Variants in SORCS1 observed in about 807,000 individuals in gnomAD.
The protein encoded by SORCS1 is VPS10 domain-containing receptor SorCS1.
SORCS1 carries 60 observed loss-of-function variants against 146.1 expected under a neutral mutation model. The observed-to-expected ratio is 0.41, with a 90% CI of 0.33 to 0.51. SORCS1 has a LOEUF of 0.51. SORCS1 is among the 20% of genes least tolerant of loss of function. SORCS1 has a pLI of 0.21. For synonymous variants in SORCS1, 637 were observed against 584.0 expected (o/e 1.09, Z -1.31); for missense variants, 1,352 against 1,487.6 (o/e 0.91, Z 1.50).
chr10:107,069,026 T>C (rs1195031123), intron 1 of SORCS1, among the ~76,000 whole-genome samples: 1 of 152,186 alleles, frequency 6.6e-6, no homozygotes, highest in Non-Finnish European at 1.5e-5. Context: ...AACACATACT[T>C]GTTATTTTGT....
chr10:106,665,379 T>C (rs1851048824), intron 17 of SORCS1, among the ~76,000 whole-genome samples: 2 of 149,374 alleles, frequency 1.3e-5, no homozygotes, highest in South Asian at 2.1e-4. Flanking sequence ...CCTTTTTTTT[T>C]CTCTCTCTCT....
At chr10:106,767,343 T>A (rs1280345589) in intron 4 of SORCS1, among the ~76,000 whole-genome samples, 1 of 152,102 alleles carries the variant, frequency 6.6e-6, no homozygotes, top group Non-Finnish European at 1.5e-5. Context: ...AGATTAGACT[T>A]ACGGAACTAG....
At chr10:107,042,524 A>G (rs1564963515) in intron 1 of SORCS1, among the ~76,000 whole-genome samples, 2 of 152,194 alleles carry the variant, frequency 1.3e-5, no homozygotes, top group Non-Finnish European at 2.9e-5. Context: ...CAGATGGGCA[A>G]TATCTTCCTT....
At position 106,940,063 on chromosome 10, in the gene SORCS1, T is replaced by C. The variant is rs562154129; in HGVS notation, c.626+16450A>G. Reference sequence around the variant, plus strand: ...ATTTGTATTTGAACAAATGTACCTCTGCTTTAGCATTAGATAAGCTTCCAG... The same window carrying C: ...ATTTGTATTTGAACAAATGTACCTCCGCTTTAGCATTAGATAAGCTTCCAG... On this transcript the variant is annotated intron_variant, in intron 2 of 25. Transcript: ENST00000263054. 3.9e-5 allele frequency among the ~76,000 whole-genome samples: 6 copies of C among 152,340 alleles called. No individual in the cohort carries two copies. The South Asian group carries it at 1.0e-3, about 26-fold the overall frequency.
intron 1 of SORCS1, among the ~76,000 whole-genome samples, chr10:107,122,069 CT>C (rs1775116171): frequency 6.6e-6 from 1 of 152,154 alleles, no homozygotes; most frequent in Non-Finnish European, 1.5e-5. Flanking sequence ...ACCCTCTGTA[CT>C]TAGTGCCAGT....
chr10:107,120,296 G>A (rs1966316171), intron 1 of SORCS1, among the ~76,000 whole-genome samples: 1 of 152,090 alleles, frequency 6.6e-6, no homozygotes, highest in Admixed American at 6.5e-5. Context: ...ATCTCTTACA[G>A]TGCTATGCAC....
the SORCS1 span, among the ~76,000 whole-genome samples, chr10:107,170,611 G>A: frequency 3.9e-5 from 6 of 152,200 alleles, no homozygotes; most frequent in African/African-American, 1.4e-4. Flanking sequence ...GAAAAACAAG[G>A]TCTTTGGGAC....
rs746354266 is a variant in SORCS1, at chr10:106,776,574, T to C, written c.845A>G (p.Lys282Arg). The C allele has an allele frequency of 1.2e-6, 2 of 1,613,914 alleles. No homozygotes were observed. The highest frequency in any genetic ancestry group is 2.7e-5 in the African/African-American group (2 of 74,920). The change falls in exon 4 of 26, where the codon AAA (lysine) becomes AGA (arginine). Residue 282 changes from lysine to arginine, a missense_variant. By Grantham distance (26) the Lys-to-Arg change is conservative (BLOSUM62 2). Transcript: ENST00000263054. The part of the protein sequence containing the change: ...FYIQSLLFHP[K>R]QEDWILAYSQ... ...GTATGCCAGAATCCAGTCTTCTTGT[T>C]TGGGGTGAAAAAGCAAGCTTTGAAT...
intron 1 of SORCS1, among the ~76,000 whole-genome samples, chr10:107,047,524 T>C (rs186683570): frequency 6.8e-4 from 103 of 152,338 alleles, no homozygotes; most frequent in African/African-American, 2.3e-3. Flanking sequence ...AAATGGGTTA[T>C]TCTGATTATC....
chr10:107,009,816 C>A (rs1021635605), intron 1 of SORCS1, among the ~76,000 whole-genome samples: 2 of 152,026 alleles, frequency 1.3e-5, no homozygotes, highest in South Asian at 2.1e-4. Context: ...TTGAGAGATG[C>A]AAATAATTAT....
intron 3 of SORCS1, among the ~76,000 whole-genome samples, chr10:106,803,558 C>A (rs1024660483): frequency 1.3e-5 from 2 of 152,186 alleles, no homozygotes; most frequent in Admixed American, 1.3e-4. Context: ...CCAATCTGTT[C>A]TGGGTACTGG....
At chr10:106,708,802 G>A (rs1383898700) in intron 7 of SORCS1, among the ~76,000 whole-genome samples, 2 of 152,094 alleles carry the variant, frequency 1.3e-5, no homozygotes, top group Non-Finnish European at 2.9e-5. Context: ...TTTTAAGGTG[G>A]GTATTGGGGA....
chr10:107,159,579 C>G (rs527558735), intron 1 of SORCS1, among the ~76,000 whole-genome samples: 1 of 152,070 alleles, frequency 6.6e-6, no homozygotes, highest in East Asian at 1.9e-4. Context: ...AAAAAACCTC[C>G]GAAAGATATA....
intron 16 of SORCS1, among the ~76,000 whole-genome samples, chr10:106,669,052 CT>C (rs1851385959): frequency 6.6e-6 from 1 of 152,144 alleles, no homozygotes; most frequent in Non-Finnish European, 1.5e-5. Context: ...CAATGAACTC[CT>C]TCATGATTCA....
intron 4 of SORCS1, among the ~76,000 whole-genome samples, 159 bp downstream of exon 4, chr10:106,776,375 T>C (rs1366523538): frequency 2.6e-5 from 4 of 152,220 alleles, no homozygotes; most frequent in Non-Finnish European, 5.9e-5. Flanking sequence ...ACAAGCAACC[T>C]GAGACTCTCC....
chr10:106,764,984 C>A (rs1256045990), intron 4 of SORCS1, among the ~76,000 whole-genome samples: 2 of 139,004 alleles, frequency 1.4e-5, no homozygotes, highest in Non-Finnish European at 3.0e-5. Flanking sequence ...GATCGCGCCA[C>A]TGCACTCCAG....
At chr10:106,973,077 G>A (rs1415636479) in intron 1 of SORCS1, among the ~76,000 whole-genome samples, 1 of 152,090 alleles carries the variant, frequency 6.6e-6, no homozygotes, top group Non-Finnish European at 1.5e-5. Context: ...ACCCTTGCTC[G>A]ACCCTCAGCA....
At chr10:106,892,941 C>A (rs911481073) in intron 2 of SORCS1, among the ~76,000 whole-genome samples, 2 of 148,352 alleles carry the variant, frequency 1.3e-5, no homozygotes, top group African/African-American at 5.0e-5. Context: ...TTTGCCCAGA[C>A]TGGAGTGCAA....
Position 106,618,181 on chromosome 10 carries a change from A to G in SORCS1, c.2888T>C (p.Ile963Thr). The change falls in exon 21 of 26, where the codon ATC (isoleucine) becomes ACC (threonine). Residue 963 changes from isoleucine to threonine, a missense_variant. By Grantham distance (89) the Ile-to-Thr change is moderately conservative. Coordinates refer to ENST00000263054, the MANE Select transcript of SORCS1 (RefSeq NM_052918.5). ...TGCGATGGTCTTTGTGTCTTGTAGGATGGCATTCCCAGCTGAGACCTGCAC... is the reference window on the plus strand; with the variant it reads ...TGCGATGGTCTTTGTGTCTTGTAGGGTGGCATTCCCAGCTGAGACCTGCAC... ...ITVQVSAGNA[I>T]LQDTKTIAVY... The G allele has an allele frequency of 6.2e-7, 1 of 1,614,094 alleles. No individual in the cohort carries two copies. The highest frequency in any genetic ancestry group is 1.3e-5 in the African/African-American group (1 of 75,036).
Sources: allele counts gnomAD v4.1 joint callset (sites outside exome capture counted in the v4.1 genomes callset), GRCh38; gene constraint gnomAD v4.1.1; transcripts MANE v1.5; gene names NCBI Gene and HGNC (gene_info 2026-07-23, HGNC 2026-07-21).